The following H4C15 variants were observed in gnomAD, a reference collection of about 807,000 sequenced individuals.
The protein encoded by H4C15 is H4 clustered histone 15, also known as histone H4.
downstream of H4C15, among the ~76,000 whole-genome samples, chr1:149,858,677 GAGGGA>G (rs1241376454): frequency 2.1e-5 from 2 of 95,642 alleles, no homozygotes; most frequent in Non-Finnish European, 4.2e-5. Context: ...GGGAGGGAGG[GAGGGA>G]AAGAAAGAAG....
At chr1:149,850,800 C>T, downstream of H4C15, 1 of 115,702 alleles carries the variant, frequency 8.6e-6, no homozygotes, top group Non-Finnish European at 1.4e-5. Context: ...GACACCGACC[C>T]CCGAGAACGC....
the H4C15 span, chr1:149,847,312 T>C: frequency 2.0e-5 from 3 of 152,234 alleles, no homozygotes; most frequent in Non-Finnish European, 2.9e-5. Context: ...TATGGACATA[T>C]TTGGGAGCCA....
chr1:149,855,065 AAGAC>A (rs1297832864), downstream of H4C15, among the ~76,000 whole-genome samples: 5 of 16,958 alleles, frequency 2.9e-4, no homozygotes, highest in East Asian at 2.5e-3. Context: ...AAAAAAAAAA[AAGAC>A]AGAAAGAAAA....
chr1:149,849,719 C>T (rs1428731576), downstream of H4C15, among the ~76,000 whole-genome samples: 1 of 152,158 alleles, frequency 6.6e-6, no homozygotes, highest in Non-Finnish European at 1.5e-5. Flanking sequence ...GGTATCTCAA[C>T]TAGAAAGCGC....
At chr1:149,849,965 T>G (rs1390671058), downstream of H4C15, among the ~76,000 whole-genome samples, 1 of 152,220 alleles carries the variant, frequency 6.6e-6, no homozygotes, top group East Asian at 1.9e-4. Context: ...GGACCCAACC[T>G]TTGTTCATAT....
the H4C15 span, chr1:149,845,309 A>G: frequency 2.6e-5 from 4 of 152,266 alleles, no homozygotes; most frequent in African/African-American, 9.6e-5. Flanking sequence ...ACAGCAGTAA[A>G]CAGAATAGAA....
downstream of H4C15, chr1:149,850,796 G>T: frequency 5.7e-6 from 1 of 175,078 alleles, no homozygotes; most frequent in South Asian, 3.0e-5. Context: ...GACCGACACC[G>T]ACCCCCGAGA....
At chr1:149,850,200 G>A (rs1199594503), downstream of H4C15, 4 of 729,290 alleles carry the variant, frequency 5.5e-6, no homozygotes, top group East Asian at 2.7e-5. Context: ...AGTTATCTGT[G>A]CTTGGTGTTG....
chr1:149,845,719 GAT>G, the H4C15 span: 1 of 152,246 alleles, frequency 6.6e-6, no homozygotes, highest in African/African-American at 2.4e-5. Context: ...TTTTAAATGA[GAT>G]AGAGTGCTCT....
At chr1:149,844,731 C>G in the H4C15 span, 1 of 151,730 alleles carries the variant, frequency 6.6e-6, no homozygotes, top group East Asian at 1.9e-4. Flanking sequence ...CACTTGCTGT[C>G]TGCCCCACCC....
the H4C15 span, chr1:149,845,262 G>T: frequency 1.3e-5 from 2 of 152,172 alleles, no homozygotes; most frequent in African/African-American, 4.8e-5. Context: ...GAGAAGAAAA[G>T]AAACCACTGC....
chr1:149,845,418 A>G, the H4C15 span: 1 of 152,240 alleles, frequency 6.6e-6, no homozygotes, highest in Non-Finnish European at 1.5e-5. Context: ...AAAGCAGAAC[A>G]TGGAGTGGAG....
At chr1:149,847,932 T>A in the H4C15 span, 2 of 152,224 alleles carry the variant, frequency 1.3e-5, no homozygotes, top group Non-Finnish European at 2.9e-5. Flanking sequence ...CTTCCCCTAG[T>A]GGGTTTGGAG....
chr1:149,849,760 C>G (rs991152216), downstream of H4C15, among the ~76,000 whole-genome samples: 9 of 152,210 alleles, frequency 5.9e-5, no homozygotes, highest in African/African-American at 1.9e-4. Context: ...TCCTGGTTAT[C>G]AAAATCGAAC....
chr1:149,850,810 C>G (rs1553757760), downstream of H4C15: 4 of 175,024 alleles, frequency 2.3e-5, no homozygotes, highest in Non-Finnish European at 4.0e-5. Context: ...CCCGAGAACG[C>G]AAGCAGAGCG....
downstream of H4C15, among the ~76,000 whole-genome samples, chr1:149,849,210 T>C (rs973091719): frequency 2.0e-5 from 3 of 152,232 alleles, no homozygotes; most frequent in Non-Finnish European, 4.4e-5. Context: ...TTACCACCAT[T>C]GCACTCCAGC....
chr1:149,850,599 C>T (rs2092174115), downstream of H4C15: 2 of 565,092 alleles, frequency 3.5e-6, no homozygotes, highest in Non-Finnish European at 6.0e-6. Context: ...ATGCCCATGG[C>T]CTTGCACCAG....
At chr1:149,858,730 C>T (rs1401407930), downstream of H4C15, among the ~76,000 whole-genome samples, 1 of 78,846 alleles carries the variant, frequency 1.3e-5, no homozygotes, top group African/African-American at 6.3e-5. Flanking sequence ...GCATCAGTGG[C>T]TTTCAACCTT....
chr1:149,844,655 GC>G, the H4C15 span: 8 of 152,064 alleles, frequency 5.3e-5, no homozygotes, highest in African/African-American at 1.9e-4. Flanking sequence ...GTAGCCCCTT[GC>G]TTTTGTTCAC....
Sources: gnomAD v4.1 joint callset for allele counts (sites outside exome capture counted in the v4.1 genomes callset) on GRCh38, gnomAD v4.1.1 for gene constraint, MANE v1.5 for transcripts, NCBI Gene and HGNC (gene_info 2026-07-23, HGNC 2026-07-21) for gene names.